IFI44L: variants seen among roughly 807,000 people sequenced by gnomAD.
IFI44L encodes the protein interferon induced protein 44 like.
A neutral mutation model predicts 39.3 loss-of-function variants in IFI44L; 40 were observed. The observed-to-expected ratio is 1.02, with a 90% CI of 0.79 to 1.33. The LOEUF (loss-of-function observed/expected upper bound fraction) is 1.33, where lower values mean the gene tolerates loss of function less well. IFI44L is among the 40% of genes most tolerant of loss of function. The pLI is 0.00. For missense variants in IFI44L, 623 were observed against 549.0 expected (o/e 1.13, Z -1.35); for synonymous variants, 198 against 182.3 (o/e 1.09, Z -0.69).
In IFI44L at chr1:78,644,082, G is replaced by C. The variant is rs917760653; in HGVS notation, c.*2273G>C. 1 of 152,110 alleles carries C rather than the reference G, an allele frequency of 6.6e-6. No individual in the cohort carries two copies. The highest frequency in any genetic ancestry group is 1.5e-5 in the Non-Finnish European group (1 of 68,024). 9.4% of individuals were successfully genotyped at this position (152,110 alleles called of 1,614,324 possible). On this transcript the variant is annotated 3_prime_UTR_variant, in exon 9 of 9. Transcript: ENST00000370751. The stretch of plus-strand genomic sequence containing the variant: ...CATGATTTTCTCCATGTAATCCAGG[G>C]AGAAAACAAGCCATGACCATTGTTG...
intron 1 of IFI44L, chr1:78,627,401 C>T (rs979207467): frequency 1.3e-5 from 2 of 151,862 alleles, no homozygotes. Flanking sequence ...GCTCCATTTT[C>T]TAATTCATAC....
chr1:78,624,904 G>A (rs563062844), intron 1 of IFI44L, among the ~76,000 whole-genome samples: 31 of 152,130 alleles, frequency 2.0e-4, no homozygotes, highest in South Asian at 8.3e-4. Flanking sequence ...CACCCCTTGC[G>A]GGTTATCTTG....
At position 78,628,210 on chromosome 1, in the gene IFI44L, T is replaced by G; in HGVS notation, c.295T>G (p.Leu99Val). Residue 99 changes from leucine (L) to valine (V), a missense_variant, in exon 2 of 9, where the codon TTA (leucine) becomes GTA (valine). Physicochemically the swap from Leu to Val is conservative, Grantham distance 32 (BLOSUM62 1). Coordinates refer to ENST00000370751, the MANE Select transcript of IFI44L (RefSeq NM_006820.4). ...AAATGACACCACTGAAATAGAAACT[T>G]TACTCTTAAATACAGCACCAAAAAT... Reference protein sequence around the residue: ...KKNDTTEIETLLLNTAPKIID... With the variant: ...KKNDTTEIETVLLNTAPKIID... 1 of 1,612,900 alleles carries G rather than the reference T, an allele frequency of 6.2e-7. No homozygotes were observed. The highest frequency in any genetic ancestry group is 8.5e-7 in the Non-Finnish European group (1 of 1,179,498).
chr1:78,629,535 C>T (rs1570356104), intron 3 of IFI44L, 185 bp from the exon 4 acceptor site: 1 of 453,384 alleles, frequency 2.2e-6, no homozygotes, highest in East Asian at 3.4e-5. Flanking sequence ...TCTTTAAGCA[C>T]AAAATGTATA....
Position 78,645,363 on chromosome 1 carries a change from A to C in IFI44L, c.*3554A>C, listed in dbSNP as rs1187060802. 1.3e-5 allele frequency: 2 copies of C among 152,086 alleles called. No homozygotes were observed. The highest frequency in any genetic ancestry group is 2.9e-5 in the Non-Finnish European group (2 of 68,002). The allele number at this position is 152,086 out of a possible 1,614,324, so 9.4% of individuals were successfully genotyped here. A position where few individuals can be genotyped will look rare whatever the true frequency, so the allele number is the denominator to read the frequency against. On this transcript the variant is annotated 3_prime_UTR_variant, in exon 9 of 9. Transcript: ENST00000370751. ...CTCTACTTATATCAGTTTTTCCTAC[A>C]CTTCTTCCTTTTAGGTCAACAATAC...
intron 3 of IFI44L, 173 bp from the exon 4 acceptor site, chr1:78,629,547 C>A: frequency 2.1e-6 from 1 of 477,768 alleles, no homozygotes; most frequent in South Asian, 5.1e-5. Context: ...AAATGTATAA[C>A]TTTAGATATT....
chr1:78,638,789 T>C (rs980163320), intron 6 of IFI44L, among the ~76,000 whole-genome samples: 9 of 152,178 alleles, frequency 5.9e-5, no homozygotes, highest in Admixed American at 6.6e-5. Flanking sequence ...CAAATAATTC[T>C]AACATCTTTG....
Position 78,635,332 on chromosome 1 carries a change from A to G in IFI44L, c.724-5A>G, listed in dbSNP as rs1652904846. On this transcript the variant is annotated splice_polypyrimidine_tract_variant and splice_region_variant and intron_variant, in intron 4 of 8. Coordinates refer to ENST00000370751, the MANE Select transcript of IFI44L (RefSeq NM_006820.4). ...ACCTTTACACTTAATGTATTTTTTTAACAGTATAGGATATATTCTGTTAAA... is the reference window on the plus strand; with the variant it reads ...ACCTTTACACTTAATGTATTTTTTTGACAGTATAGGATATATTCTGTTAAA... 1 of 1,575,380 alleles carries G rather than the reference A, an allele frequency of 6.3e-7. No homozygotes were observed. Among genetic ancestry groups the G allele is most frequent in the Non-Finnish European group, 8.7e-7 (1 of 1,149,462 alleles).
intron 4 of IFI44L, among the ~76,000 whole-genome samples, chr1:78,631,112 T>C (rs1652733502): frequency 6.6e-6 from 1 of 152,136 alleles, no homozygotes; most frequent in Non-Finnish European, 1.5e-5. Context: ...AGAGAAGATG[T>C]AGATACTGAA....
At position 78,628,562 on chromosome 1, in the gene IFI44L, T is replaced by C. The variant is rs183921139; in HGVS notation, c.478+169T>C. 3.2e-4 allele frequency: 190 copies of C among 586,772 alleles called. 2 individuals carry two copies. Among genetic ancestry groups the C allele is most frequent in the African/African-American group, 3.2e-3 (173 of 53,496 alleles). 36.3% of individuals were successfully genotyped at this position (586,772 alleles called of 1,614,324 possible). A position where few individuals can be genotyped will look rare whatever the true frequency, so the allele number is the denominator to read the frequency against. On this transcript the variant is annotated intron_variant, in intron 2 of 8. Transcript: ENST00000370751. The stretch of plus-strand genomic sequence containing the variant: ...CGTGGGGAACATAAGGATTATGAGG[T>C]TTTTATCCAGAACGTATAGGCTGCT...
In IFI44L at chr1:78,645,343, C is replaced by A. The variant is rs1012096570; in HGVS notation, c.*3534C>A. The A allele has an allele frequency of 9.9e-5, 15 of 152,184 alleles. No individual in the cohort carries two copies. Among genetic ancestry groups the A allele is most frequent in the African/African-American group, 3.4e-4 (14 of 41,442 alleles). 9.4% of individuals were successfully genotyped at this position (152,184 alleles called of 1,614,324 possible). A position where few individuals can be genotyped will look rare whatever the true frequency, so the allele number is the denominator to read the frequency against. On this transcript the variant is annotated 3_prime_UTR_variant, in exon 9 of 9. Coordinates refer to ENST00000370751, the MANE Select transcript of IFI44L (RefSeq NM_006820.4). ...ATGCTTGGCCCAAATAAACTCTCTACTTATATCAGTTTTTCCTACACTTCT... is the reference window on the plus strand; with the variant it reads ...ATGCTTGGCCCAAATAAACTCTCTAATTATATCAGTTTTTCCTACACTTCT...
chr1:78,623,018 G>C (rs969018834), intron 1 of IFI44L, among the ~76,000 whole-genome samples: 8 of 152,176 alleles, frequency 5.3e-5, no homozygotes, highest in Admixed American at 2.0e-4. Context: ...GTCTCTAAAC[G>C]TATGAGAAAT....
chr1:78,628,755 G>C (rs1220235581), intron 2 of IFI44L, 196 bp from the exon 3 acceptor site: 1 of 559,344 alleles, frequency 1.8e-6, no homozygotes. Context: ...TTATGTGAGA[G>C]CTTCCAGAGC....
intron 6 of IFI44L, among the ~76,000 whole-genome samples, chr1:78,639,605 T>A (rs960055983): frequency 1.8e-4 from 28 of 152,124 alleles, no homozygotes; most frequent in African/African-American, 6.3e-4. Context: ...TCAAGGTCTC[T>A]AGCCAAATTG....
intron 5 of IFI44L, among the ~76,000 whole-genome samples, chr1:78,636,202 A>G (rs1652945958): frequency 6.6e-6 from 1 of 152,034 alleles, no homozygotes; most frequent in African/African-American, 2.4e-5. Context: ...TCATTCAAAA[A>G]CCATCTATTA....
rs1652928232 is a variant in IFI44L at position 78,635,764 on chromosome 1, A to G, written c.876+275A>G. 24 of 412,566 alleles carry G rather than the reference A, an allele frequency of 5.8e-5. No homozygotes were observed. In the South Asian group the frequency reaches 6.7e-4, roughly 11 times the overall value. The allele number at this position is 412,566 out of a possible 1,614,324, so 25.6% of individuals were successfully genotyped here. A position where few individuals can be genotyped will look rare whatever the true frequency, so the allele number is the denominator to read the frequency against. On this transcript the variant is annotated intron_variant, in intron 5 of 8. Transcript: ENST00000370751. Reference sequence around the variant, plus strand: ...TAGTGTGTTTTTATCACTCTTTACAATAATGTAAACTAATGATAGTCACTT... The same window carrying G: ...TAGTGTGTTTTTATCACTCTTTACAGTAATGTAAACTAATGATAGTCACTT...
Position 78,629,843 on chromosome 1 carries a change from C to T in IFI44L, c.651C>T (p.Val217=), listed in dbSNP as rs746909093. The T allele has an allele frequency of 1.2e-6, 2 of 1,613,716 alleles. No homozygotes were observed. The highest frequency in any genetic ancestry group is 1.7e-6 in the Non-Finnish European group (2 of 1,179,798). Residue 217 remains valine (V), a synonymous_variant, in exon 4 of 9, where the codon GTC becomes GTT. Transcript: ENST00000370751. ...GSGKSSFFNS[V]KSIFHGHVTG... ...GAAAGTCCAGTTTTTTCAATTCAGT[C>T]AAGTCTATTTTTCATGGCCATGTGA... is the stretch of plus-strand genomic sequence containing the variant.
In IFI44L at chr1:78,641,475, A is replaced by G. The variant is rs1367914874; in HGVS notation, c.1190A>G (p.Asn397Ser). Residue 397 changes from asparagine (N) to serine (S), a missense_variant, in exon 8 of 9, where the codon AAT becomes AGT. Physicochemically the swap from Asn to Ser is conservative, Grantham distance 46. Transcript: ENST00000370751. ...AAAATGCTAGGCATTCCTATTTCCA[A>G]TATTTTGATGGTTGGAAATTATGCT... ...VHKMLGIPIS[N>S]ILMVGNYASD... The G allele has an allele frequency of 1.9e-6, 3 of 1,613,502 alleles. No individual in the cohort carries two copies. Among genetic ancestry groups the G allele is most frequent in the Non-Finnish European group, 2.5e-6 (3 of 1,179,690 alleles).
In IFI44L at chr1:78,628,385, G is replaced by C. The variant is rs779556259; in HGVS notation, c.470G>C (p.Arg157Pro). The C allele has an allele frequency of 1.9e-6, 3 of 1,541,086 alleles. No individual in the cohort carries two copies. Among genetic ancestry groups the C allele is most frequent in the Non-Finnish European group, 1.8e-6 (2 of 1,138,656 alleles). Residue 157 changes from arginine (R) to proline (P), a missense_variant, in exon 2 of 9, where the codon CGA (arginine) becomes CCA (proline). Physicochemically the swap from Arg to Pro is moderately radical, Grantham distance 103. Coordinates refer to ENST00000370751, the MANE Select transcript of IFI44L (RefSeq NM_006820.4). ...HRQYLECEVF[R>P]VEGIKDNLDD... is the part of the protein sequence containing the mutation. ...CAGTATTTGGAATGTGAAGTTTTTC[G>C]AGTTGAAGGTTTGTAAAATTAGATA...
Sources: allele counts gnomAD v4.1 joint callset (sites outside exome capture counted in the v4.1 genomes callset), GRCh38; gene constraint gnomAD v4.1.1; transcripts MANE v1.5; gene names NCBI Gene and HGNC (gene_info 2026-07-23, HGNC 2026-07-21).